Variants in STAG1 observed in about 807,000 individuals in gnomAD.
The protein encoded by STAG1 is cohesin subunit SA-1.
In STAG1, 26 loss-of-function variants were observed where a neutral mutation model predicts 170.9. The ratio of observed to expected loss-of-function variants is 0.15; its 90% CI spans 0.11 to 0.21. STAG1 has a LOEUF of 0.21. STAG1 is among the 10% of genes least tolerant of loss of function. STAG1 has a pLI of 1.00. For missense variants in STAG1, 964 were observed against 1,509.5 expected, an observed-to-expected ratio of 0.64 and a Z score of 5.99; for synonymous variants, 514 against 497.7, an observed-to-expected ratio of 1.03 and a Z score of -0.44.
chr3:136,447,337 C>T (rs1013972915), intron 14 of STAG1, among the ~76,000 whole-genome samples: 6 of 151,618 alleles, frequency 4.0e-5, no homozygotes, highest in Admixed American at 2.6e-4. Context: ...GGTGTGGTGG[C>T]GCGTGCCTGC....
chr3:136,613,098 T>C (rs766590466), intron 3 of STAG1, among the ~76,000 whole-genome samples: 2 of 151,724 alleles, frequency 1.3e-5, no homozygotes, highest in Non-Finnish European at 2.9e-5. Flanking sequence ...GTCAGGAGAT[T>C]GAGACTATCC....
chr3:136,750,497 C>A (rs749895814), intron 1 of STAG1, among the ~76,000 whole-genome samples: 11 of 152,210 alleles, frequency 7.2e-5, no homozygotes, highest in African/African-American at 2.4e-4. Context: ...TCAAAGGAGG[C>A]AATCCTAGTA....
At chr3:136,553,700 G>A (rs1274908919) in intron 5 of STAG1, among the ~76,000 whole-genome samples, 2 of 152,240 alleles carry the variant, frequency 1.3e-5, no homozygotes, top group East Asian at 3.9e-4. Context: ...CTTGAACCCA[G>A]GAGGCAGAGA....
intron 1 of STAG1, among the ~76,000 whole-genome samples, chr3:136,712,575 A>G (rs1206300357): frequency 6.6e-6 from 1 of 152,204 alleles, no homozygotes; most frequent in Non-Finnish European, 1.5e-5. Context: ...GAGATAGTGC[A>G]AATTAAAGCC....
chr3:136,420,244 CAAAAAAAAAA>C (rs71157379), intron 20 of STAG1, among the ~76,000 whole-genome samples: 4 of 36,954 alleles, frequency 1.1e-4, no homozygotes, highest in African/African-American at 2.2e-4. Flanking sequence ...GAGACTCTGT[CAAAAAAAAAA>C]AAAAAAAAAA....
intron 5 of STAG1, 67 bp downstream of exon 5, chr3:136,568,698 G>A: frequency 9.6e-7 from 1 of 1,044,130 alleles, no homozygotes; most frequent in Admixed American, 2.0e-5. Flanking sequence ...CTAGTGGCAG[G>A]TGAAGTAAAA....
chr3:136,597,327 G>GT (rs1236105448), intron 4 of STAG1, among the ~76,000 whole-genome samples: 17 of 152,130 alleles, frequency 1.1e-4, no homozygotes, highest in Non-Finnish European at 2.9e-5. Context: ...GGTTTCCACA[G>GT]TGTAAACACT....
At chr3:136,501,714 C>T (rs1933486788) in intron 8 of STAG1, among the ~76,000 whole-genome samples, 1 of 152,152 alleles carries the variant, frequency 6.6e-6, no homozygotes, top group Admixed American at 6.5e-5. Flanking sequence ...TACAGTATGG[C>T]TAATAATCAA....
Position 136,696,799 on chromosome 3 carries a change from G to T in STAG1, c.-84+55396C>A, listed in dbSNP as rs566147227. 2.6e-5 allele frequency among the ~76,000 whole-genome samples: 4 copies of T among 152,212 alleles called. No homozygotes were observed. The East Asian group carries it at 7.7e-4, about 29-fold the overall frequency. The stretch of plus-strand genomic sequence containing the variant: ...AAAAGGTTACATATCAAATGATTCC[G>T]TATGTATGACATTCTGAGAAAAGCA... On this transcript the variant is annotated intron_variant, in intron 1 of 33. Coordinates refer to ENST00000383202, the MANE Select transcript of STAG1 (RefSeq NM_005862.3).
chr3:136,349,142 G>T lies in STAG1; in HGVS notation c.3271+16C>A. The T allele has an allele frequency of 6.3e-7, 1 of 1,597,390 alleles. No individual in the cohort carries two copies. Among genetic ancestry groups the T allele is most frequent in the Non-Finnish European group, 8.6e-7 (1 of 1,165,022 alleles). ...AACCAGGCAAATTGTTTCTTATAGT[G>T]TAAAGGCAGACTTACCTTCTACTCG... On this transcript the variant is annotated intron_variant, in intron 29 of 33. Coordinates refer to ENST00000383202, the MANE Select transcript of STAG1 (RefSeq NM_005862.3).
intron 4 of STAG1, among the ~76,000 whole-genome samples, chr3:136,588,527 A>G (rs952724005): frequency 1.3e-5 from 2 of 152,070 alleles, no homozygotes; most frequent in African/African-American, 4.8e-5. Context: ...TTTAGTAGAA[A>G]CAGGGTTTCA....
intron 3 of STAG1, among the ~76,000 whole-genome samples, chr3:136,620,069 A>G (rs1223402165): frequency 3.3e-5 from 5 of 152,126 alleles, no homozygotes; most frequent in Admixed American, 3.3e-4. Flanking sequence ...CTGTCTCAAA[A>G]GAAAAAATAA....
intron 1 of STAG1, among the ~76,000 whole-genome samples, chr3:136,668,216 C>G (rs1432000231): frequency 6.7e-6 from 1 of 149,964 alleles, no homozygotes; most frequent in African/African-American, 2.5e-5. Flanking sequence ...GCCGAGGCAA[C>G]AGAGTGAGAC....
chr3:136,511,975 G>T (rs963491777), intron 7 of STAG1, among the ~76,000 whole-genome samples: 3 of 151,668 alleles, frequency 2.0e-5, no homozygotes, highest in Non-Finnish European at 2.9e-5. Context: ...CAAGCACTGG[G>T]CGTGTGGTGG....
At chr3:136,358,499 TA>T (rs1936741024) in intron 27 of STAG1, among the ~76,000 whole-genome samples, 1 of 152,216 alleles carries the variant, frequency 6.6e-6, no homozygotes, top group South Asian at 2.1e-4. Flanking sequence ...GTGAGTTTAC[TA>T]AAGATTTTCT....
At chr3:136,567,314 T>C (rs1184285435) in intron 5 of STAG1, among the ~76,000 whole-genome samples, 1 of 152,226 alleles carries the variant, frequency 6.6e-6, no homozygotes, top group East Asian at 1.9e-4. Context: ...GCAAACTCTC[T>C]TACTTTCAAA....
intron 7 of STAG1, among the ~76,000 whole-genome samples, chr3:136,518,963 A>C (rs1194325888): frequency 1.3e-5 from 2 of 152,064 alleles, no homozygotes; most frequent in Non-Finnish European, 2.9e-5. Context: ...AAATATATTT[A>C]AACATACACA....
intron 1 of STAG1, among the ~76,000 whole-genome samples, chr3:136,723,608 G>T (rs1933450186): frequency 6.6e-6 from 1 of 150,778 alleles, no homozygotes; most frequent in African/African-American, 2.4e-5. Context: ...GAGGGAGGTG[G>T]GGGGATCAGC....
chr3:136,405,320 C>T (rs375205372), intron 21 of STAG1, among the ~76,000 whole-genome samples: 1 of 141,722 alleles, frequency 7.1e-6, no homozygotes, highest in East Asian at 2.3e-4. Context: ...CGGCTCACTG[C>T]AACCTCCATC....
Sources: allele counts gnomAD v4.1 joint callset (sites outside exome capture counted in the v4.1 genomes callset), GRCh38; gene constraint gnomAD v4.1.1; transcripts MANE v1.5; gene names NCBI Gene and HGNC (gene_info 2026-07-23, HGNC 2026-07-21).